SLC10A4: variants seen among roughly 807,000 people sequenced by gnomAD.
SLC10A4 encodes putative sodium/bile acid cotransporter 4.
SLC10A4 carries 17 observed loss-of-function variants against 22.5 expected under a neutral mutation model. The ratio of observed to expected loss-of-function variants is 0.76; its 90% CI spans 0.52 to 1.14. The LOEUF (loss-of-function observed/expected upper bound fraction) is 1.14. Ranked by LOEUF, SLC10A4 falls within the 50% of genes most tolerant of loss-of-function variation. The pLI is 0.00. For missense variants in SLC10A4, 548 were observed against 584.0 expected (o/e 0.94, Z 0.64); for synonymous variants, 257 against 258.2 (o/e 1.00, Z 0.04).
chr4:48,483,972 G>A lies in SLC10A4; in HGVS notation c.411G>A (p.Val137=). 6.4e-7 allele frequency: 1 copy of A among 1,554,416 alleles called. No homozygotes were observed. The highest frequency in any genetic ancestry group is 8.7e-7 in the Non-Finnish European group (1 of 1,151,936). The change falls in exon 1 of 3, where the codon GTG becomes GTA. Residue 137 remains valine (V), a synonymous_variant. Transcript: ENST00000273861. This position sits in a 1 kb window ranked among gnomAD's most constrained non-coding sequence, Gnocchi z 5.4. ...NHFGAHVRRP[V]GALLAALCQF... ...TCGGGGCGCACGTCCGTCGGCCCGT[G>A]GGCGCGCTGCTGGCAGCGCTCTGCC... is the stretch of plus-strand genomic sequence containing the variant.
intron 1 of SLC10A4, among the ~76,000 whole-genome samples, chr4:48,484,427 C>A (rs554595226): frequency 3.3e-5 from 5 of 152,336 alleles, no homozygotes; most frequent in African/African-American, 1.2e-4. Flanking sequence ...TCGCCGTCCT[C>A]CCCGAGCGTC....
chr4:48,485,176 G>A (rs778087212), intron 2 of SLC10A4, 34 bp downstream of exon 2: 6 of 1,599,156 alleles, frequency 3.8e-6, no homozygotes, highest in Non-Finnish European at 5.1e-6. Flanking sequence ...ATACTAGCTT[G>A]GAGAGCCCTT....
intron 2 of SLC10A4, among the ~76,000 whole-genome samples, chr4:48,485,807 T>C (rs1718272930): frequency 6.6e-6 from 1 of 152,200 alleles, no homozygotes; most frequent in Admixed American, 6.5e-5. Context: ...ATAAAGCTAG[T>C]GAAAAGATAG....
At chr4:48,484,380 G>A (rs1421311398) in intron 1 of SLC10A4, among the ~76,000 whole-genome samples, 1 of 152,240 alleles carries the variant, frequency 6.6e-6, no homozygotes, top group Non-Finnish European at 1.5e-5. Context: ...TCCAAGGCTG[G>A]GATTCCATGC....
At chr4:48,488,358 T>C in intron 2 of SLC10A4, 69 bp from the exon 3 acceptor site, 1 of 1,413,984 alleles carries the variant, frequency 7.1e-7, no homozygotes, top group Non-Finnish European at 9.5e-7. Context: ...GGGTGTTTTC[T>C]TCCGTGAGCT....
intron 2 of SLC10A4, among the ~76,000 whole-genome samples, chr4:48,487,398 T>G (rs1718300098): frequency 6.6e-6 from 1 of 152,236 alleles, no homozygotes; most frequent in African/African-American, 2.4e-5. Context: ...CTGCAGTATA[T>G]TTTGAGGGTT....
rs1238957801 is a variant in SLC10A4, at chr4:48,484,933, A to G, written c.592A>G (p.Ile198Val). 11 of 1,611,704 alleles carry G rather than the reference A, an allele frequency of 6.8e-6. No homozygotes were observed. Among genetic ancestry groups the G allele is most frequent in the East Asian group, 2.2e-5 (1 of 44,846 alleles). ...LLVDGDMNLSIIMTISSTLLA... is the reference protein window; with the variant it reads ...LLVDGDMNLSVIMTISSTLLA... ...TTCTGCACATTCCCTTTTCTGCAGCATCATCATGACCATCTCCTCCACGCT... is the reference window on the plus strand; with the variant it reads ...TTCTGCACATTCCCTTTTCTGCAGCGTCATCATGACCATCTCCTCCACGCT... The change falls in exon 2 of 3, where the codon ATC (isoleucine) becomes GTC (valine). Residue 198 changes from isoleucine to valine, a missense_variant and splice_region_variant. Around this residue, in one of 3 missense-constraint regions of SLC10A4, gnomAD observed 314 missense variants for 353.2 expected, o/e 0.89. Transcript: ENST00000273861.
chr4:48,485,875 A>G (rs1412668424), intron 2 of SLC10A4, among the ~76,000 whole-genome samples: 2 of 152,208 alleles, frequency 1.3e-5, no homozygotes, highest in Non-Finnish European at 2.9e-5. Flanking sequence ...TAAAAAATGA[A>G]TGCTTTCTGT....
Position 48,484,156 on chromosome 4 carries a change from G to T in SLC10A4, c.590+5G>T. 6.4e-7 allele frequency: 1 copy of T among 1,562,196 alleles called. No individual in the cohort carries two copies. Among genetic ancestry groups the T allele is most frequent in the Non-Finnish European group, 8.7e-7 (1 of 1,151,550 alleles). On this transcript the variant is annotated splice_donor_5th_base_variant and intron_variant, in intron 1 of 2. Coordinates refer to ENST00000273861, the MANE Select transcript of SLC10A4 (RefSeq NM_152679.4). ...TGACGGCGACATGAACCTCAGGTAC[G>T]GATCTGTCTATTCCTTGGGCATCTG...
chr4:48,484,346 C>T (rs1314992295), intron 1 of SLC10A4, among the ~76,000 whole-genome samples, 195 bp downstream of exon 1: 2 of 152,220 alleles, frequency 1.3e-5, no homozygotes, highest in African/African-American at 4.8e-5. Flanking sequence ...GCTAGGGGAG[C>T]AAGCTAGACG....
chr4:48,486,536 AAATAT>A (rs1718285965), intron 2 of SLC10A4, among the ~76,000 whole-genome samples: 1 of 149,898 alleles, frequency 6.7e-6, no homozygotes. Context: ...TTTAATATTT[AAATAT>A]AATAGACATA....
intron 2 of SLC10A4, 137 bp downstream of exon 2, chr4:48,485,279 T>A (rs1335729947): frequency 7.6e-6 from 6 of 791,238 alleles, no homozygotes; most frequent in Middle Eastern, 6.8e-4. Context: ...AAAATTTTTT[T>A]TAAAAAGTTT....
In SLC10A4 at chr4:48,483,647, GC is replaced by G. The variant is rs1465280606; in HGVS notation, c.90del (p.Gly31AlafsTer71). 5 of 1,489,344 alleles carry G rather than the reference GC, an allele frequency of 3.4e-6. No homozygotes were observed. Among genetic ancestry groups the G allele is most frequent in the Admixed American group, 2.2e-5 (1 of 44,822 alleles). 92.3% of individuals were successfully genotyped at this position (1,489,344 alleles called of 1,614,324 possible). A position where few individuals can be genotyped will look rare whatever the true frequency, so the allele number is the denominator to read the frequency against. ...YTLAPNASSL[G>X]PGTDLALAPA... ...CTGGCGCCCAATGCCAGCAGCCTGG[GC>G]CCCGGCACGGACCTCGCCCTCGCCC... On this transcript the variant is annotated frameshift_variant, in exon 1 of 3. Transcript: ENST00000273861. LOFTEE classifies it high-confidence loss of function. This position sits in a 1 kb window ranked among gnomAD's most constrained non-coding sequence, Gnocchi z 5.4.
intron 1 of SLC10A4, among the ~76,000 whole-genome samples, chr4:48,484,455 CGTTGTCCAGTGGAAGACAAAGAGAAG>C (rs1312716874): frequency 6.6e-6 from 1 of 152,194 alleles, no homozygotes; most frequent in Non-Finnish European, 1.5e-5. Context: ...CAGCGCAGGT[CGTTGTCCAGTGGAAGACAAAGAGAAG>C]GGGGAGTCTG....
At chr4:48,486,135 GA>G (rs1369066672) in intron 2 of SLC10A4, among the ~76,000 whole-genome samples, 1 of 152,134 alleles carries the variant, frequency 6.6e-6, no homozygotes, top group Non-Finnish European at 1.5e-5. Flanking sequence ...GTAGATTCAA[GA>G]AGACATAATC....
Position 48,488,651 on chromosome 4 carries a change from G to T in SLC10A4, c.1026G>T (p.Gln342His), listed in dbSNP as rs1398408157. 1 of 1,613,970 alleles carries T rather than the reference G, an allele frequency of 6.2e-7. No individual in the cohort carries two copies. Among genetic ancestry groups the T allele is most frequent in the Admixed American group, 1.7e-5 (1 of 59,990 alleles). Residue 342 changes from glutamine to histidine, a missense_variant, in exon 3 of 3, where the codon CAG becomes CAT. Coordinates refer to ENST00000273861, the MANE Select transcript of SLC10A4 (RefSeq NM_152679.4). ...TGGAAACAGGTAGTCAGAATGTGCA[G>T]CTCTGTACAGCCATTCTAAAACTGG... ...VCLETGSQNV[Q>H]LCTAILKLAF... is the part of the protein sequence containing the mutation.
At chr4:48,487,818 T>G (rs1270651717) in intron 2 of SLC10A4, among the ~76,000 whole-genome samples, 3 of 131,332 alleles carry the variant, frequency 2.3e-5, no homozygotes, top group East Asian at 2.3e-4. Context: ...TTTTTTTTTT[T>G]TGGTGAAATG....
chr4:48,483,858 G>A lies in SLC10A4; in HGVS notation c.297G>A (p.Thr99=), dbSNP rs1560479891. 5 of 1,541,132 alleles carry A rather than the reference G, an allele frequency of 3.2e-6. No homozygotes were observed. The African/African-American group carries it at 4.1e-5, about 13-fold the overall frequency. Residue 99 remains threonine (T), a synonymous_variant, in exon 1 of 3, where the codon ACG becomes ACA. Coordinates refer to ENST00000273861, the MANE Select transcript of SLC10A4 (RefSeq NM_152679.4). The surrounding 1 kb of genome is among the most constrained non-coding windows in gnomAD (Gnocchi z 5.4). The part of the protein sequence containing the change: ...WAPHALPFWD[T]PLNHGLNVFV... Reference sequence around the variant, plus strand: ...CCCACGCGCTCCCGTTCTGGGACACGCCGCTGAACCACGGGCTGAACGTGT... The same window carrying A: ...CCCACGCGCTCCCGTTCTGGGACACACCGCTGAACCACGGGCTGAACGTGT...
rs1718342086 is a variant in SLC10A4 at position 48,489,124 on chromosome 4, A to C, written c.*185A>C. ...GTCACAAATTACAAATCAATGCTGT[A>C]ATATAATTTGCACCTGGAATGGCTA... On this transcript the variant is annotated 3_prime_UTR_variant, in exon 3 of 3. Coordinates refer to ENST00000273861, the MANE Select transcript of SLC10A4 (RefSeq NM_152679.4). 2 of 659,316 alleles carry C rather than the reference A, an allele frequency of 3.0e-6. No individual in the cohort carries two copies. Among genetic ancestry groups the C allele is most frequent in the Non-Finnish European group, 2.4e-6 (1 of 424,208 alleles). The allele number at this position is 659,316 out of a possible 1,614,324, so 40.8% of individuals were successfully genotyped here.
Sources: gnomAD v4.1 joint callset for allele counts (sites outside exome capture counted in the v4.1 genomes callset) on GRCh38, gnomAD v4.1.1 for gene constraint, gnomAD v4.1.1 regional missense constraint, Gnocchi (gnomAD v3.1) non-coding constraint, MANE v1.5 for transcripts, NCBI Gene and HGNC (gene_info 2026-07-23, HGNC 2026-07-21) for gene names.